The following BCAS3 variants were observed in gnomAD, a reference collection of about 807,000 sequenced individuals.
BCAS3 encodes BCAS4/BCAS3 fusion.
A neutral mutation model predicts 116.1 loss-of-function variants in BCAS3; 53 were observed. The observed-to-expected ratio is 0.46, with a 90% CI of 0.37 to 0.57. The LOEUF (loss-of-function observed/expected upper bound fraction) is 0.57. Among genes scored for constraint, BCAS3 ranks in the 20% least tolerant of loss-of-function variants. BCAS3 has a pLI of 0.00. For synonymous variants in BCAS3, 391 were observed against 408.2 expected (o/e 0.96, Z 0.51); for missense variants, 917 against 1,165.4 (o/e 0.79, Z 3.10).
In BCAS3 at chr17:61,324,631, C is replaced by T. The variant is rs1032059427; in HGVS notation, c.2426-43696C>T. Among the ~76,000 whole-genome samples, 5 of 152,134 alleles carry T rather than the reference C, an allele frequency of 3.3e-5. No homozygotes were observed. The highest frequency in any genetic ancestry group is 1.2e-4 in the African/African-American group (5 of 41,408). ...GGCCTGGGGTCAGCAGCCTGGCGTC[C>T]AGCCCTGCCAGCCACTAGCTGTTTG... On this transcript the variant is annotated intron_variant, in intron 22 of 23. Coordinates refer to ENST00000407086, the MANE Select transcript of BCAS3 (RefSeq NM_017679.5). The surrounding 1 kb of genome is among the most constrained non-coding windows in gnomAD (Gnocchi z 4.6).
chr17:60,681,305 G>A (rs1406740217), intron 2 of BCAS3, among the ~76,000 whole-genome samples: 1 of 151,814 alleles, frequency 6.6e-6, no homozygotes, highest in East Asian at 2.0e-4. Context: ...TTTGAGACCA[G>A]CCTGACCAAT....
intron 23 of BCAS3, among the ~76,000 whole-genome samples, chr17:61,382,137 G>T (rs1261291621): frequency 6.6e-6 from 1 of 151,984 alleles, no homozygotes; most frequent in Admixed American, 6.5e-5. Context: ...AGACCAGCCT[G>T]ACCAACATGG....
chr17:60,784,465 AT>A (rs532833306), intron 6 of BCAS3, among the ~76,000 whole-genome samples: 36 of 146,254 alleles, frequency 2.5e-4, no homozygotes, highest in Non-Finnish European at 2.9e-4. Context: ...TGCCCGGATA[AT>A]TTTTTTTTTT....
intron 4 of BCAS3, among the ~76,000 whole-genome samples, chr17:60,706,357 C>T (rs2037136375): frequency 6.6e-6 from 1 of 152,134 alleles, no homozygotes; most frequent in Admixed American, 6.6e-5. Flanking sequence ...AGCTACCGCA[C>T]CCAGCAGGAT....
intron 22 of BCAS3, among the ~76,000 whole-genome samples, chr17:61,147,667 G>A (rs1002486172): frequency 6.6e-6 from 1 of 152,162 alleles, no homozygotes; most frequent in African/African-American, 2.4e-5. Flanking sequence ...TCTCAATAAA[G>A]CTTTGGGGGA....
Position 61,181,539 on chromosome 17 carries a change from T to C in BCAS3, c.2425+96975T>C, listed in dbSNP as rs886150880. Among the ~76,000 whole-genome samples, 2 of 152,232 alleles carry C rather than the reference T, an allele frequency of 1.3e-5. No individual in the cohort carries two copies. The highest frequency in any genetic ancestry group is 4.8e-5 in the African/African-American group (2 of 41,464). The stretch of plus-strand genomic sequence containing the variant: ...GACTATTTTAATCATTTCCCTTTGA[T>C]AGTCTGGTCATTTCTTTTGTCTTTT... On this transcript the variant is annotated intron_variant, in intron 22 of 23. Transcript: ENST00000407086. This position sits in a 1 kb window ranked among gnomAD's most constrained non-coding sequence, Gnocchi z 5.0.
chr17:61,253,342 C>A (rs1028610502), intron 22 of BCAS3, among the ~76,000 whole-genome samples: 11 of 151,194 alleles, frequency 7.3e-5, no homozygotes, highest in African/African-American at 2.4e-4. Flanking sequence ...CACCTGAGGT[C>A]AGGAGTTGGA....
At chr17:61,054,103 T>A (rs559947249) in intron 19 of BCAS3, among the ~76,000 whole-genome samples, 210 of 152,356 alleles carry the variant, frequency 1.4e-3, no homozygotes, top group Non-Finnish European at 2.6e-3. Flanking sequence ...TTGTATTAGA[T>A]TTCCCTTTTT....
In BCAS3 at chr17:60,808,047, T is replaced by A. The variant is rs1035743198; in HGVS notation, c.447T>A (p.Leu149=). The A allele has an allele frequency of 1.9e-6, 3 of 1,608,952 alleles. No individual in the cohort carries two copies. In the African/African-American group the frequency reaches 4.0e-5, roughly 22 times the overall value. ...CDNFAEKRPL[L]GVCKSIGSSG... The stretch of plus-strand genomic sequence containing the variant: ...ACTTTGCTGAAAAAAGACCCCTCCT[T>A]GGTGTTTGTAAGAGCATTGGATCTT... The change falls in exon 7 of 24, where the codon CTT becomes CTA. Residue 149 remains leucine, a synonymous_variant. Transcript: ENST00000407086.
chr17:60,977,737 T>G (rs1398627441), intron 14 of BCAS3, among the ~76,000 whole-genome samples: 3 of 150,384 alleles, frequency 2.0e-5, no homozygotes, highest in Non-Finnish European at 2.9e-5. Context: ...CCACCTATGA[T>G]TGAGAATATG....
At chr17:60,740,464 A>T (rs934210838) in intron 5 of BCAS3, among the ~76,000 whole-genome samples, 1 of 143,208 alleles carries the variant, frequency 7.0e-6, no homozygotes, top group African/African-American at 2.7e-5. Context: ...ATGGTACTAC[A>T]CTCCAGCCTG....
chr17:61,209,080 A>G (rs1449273334), intron 22 of BCAS3, among the ~76,000 whole-genome samples: 1 of 151,776 alleles, frequency 6.6e-6, no homozygotes, highest in African/African-American at 2.4e-5. Context: ...GTAAACATCC[A>G]CTGTGTGGAA....
Position 61,208,194 on chromosome 17 carries a change from C to T in BCAS3, c.2425+123630C>T, listed in dbSNP as rs1407304662. On this transcript the variant is annotated intron_variant, in intron 22 of 23. Transcript: ENST00000407086. This position sits in a 1 kb window ranked among gnomAD's most constrained non-coding sequence, Gnocchi z 4.5. ...GAACTTTCCAGAGACTAGTAACTTC[C>T]TATTCCACTTTCCTGGGCTTGGTAT... Among the ~76,000 whole-genome samples, 1 of 152,120 alleles carries T rather than the reference C, an allele frequency of 6.6e-6. No homozygotes were observed. Among genetic ancestry groups the T allele is most frequent in the Non-Finnish European group, 1.5e-5 (1 of 68,016 alleles).
intron 22 of BCAS3, among the ~76,000 whole-genome samples, chr17:61,298,825 A>ATTTT (rs1568788631): frequency 8.4e-6 from 1 of 119,694 alleles, no homozygotes; most frequent in Admixed American, 9.1e-5. Context: ...TTTATTTATT[A>ATTTT]TTATTATTAT....
In BCAS3 at chr17:61,188,876, T is replaced by C; in HGVS notation, c.2425+104312T>C. Among the ~76,000 whole-genome samples, 1 of 152,130 alleles carries C rather than the reference T, an allele frequency of 6.6e-6. No homozygotes were observed. Among genetic ancestry groups the C allele is most frequent in the East Asian group, 1.9e-4 (1 of 5,196 alleles). On this transcript the variant is annotated intron_variant, in intron 22 of 23. Coordinates refer to ENST00000407086, the MANE Select transcript of BCAS3 (RefSeq NM_017679.5). This position sits in a 1 kb window ranked among gnomAD's most constrained non-coding sequence, Gnocchi z 4.0. ...CTATAATCCCAGCACGTTGGGAGGCTGAGGTGGGAGGAGCCTGGGAGGTTG... is the reference window on the plus strand; with the variant it reads ...CTATAATCCCAGCACGTTGGGAGGCCGAGGTGGGAGGAGCCTGGGAGGTTG...
intron 10 of BCAS3, among the ~76,000 whole-genome samples, chr17:60,896,605 A>T (rs1215133450): frequency 6.9e-6 from 1 of 144,602 alleles, no homozygotes; most frequent in African/African-American, 2.7e-5. Flanking sequence ...GCTGTTTTTG[A>T]CTTTAGAGTC....
Position 61,048,780 on chromosome 17 carries a change from T to C in BCAS3, c.2029+7888T>C, listed in dbSNP as rs552861681. Among the ~76,000 whole-genome samples, 14 of 152,026 alleles carry C rather than the reference T, an allele frequency of 9.2e-5. 1 individual carries two copies. The South Asian group carries it at 2.9e-3, about 32-fold the overall frequency. On this transcript the variant is annotated intron_variant, in intron 19 of 23. Coordinates refer to ENST00000407086, the MANE Select transcript of BCAS3 (RefSeq NM_017679.5). ...ACTGCAGAGGGTCCTTTTCCAGTAT[T>C]CAACAGAATACTGGTGCCTCTGAGG...
chr17:61,170,878 T>C (rs2078805625), intron 22 of BCAS3, among the ~76,000 whole-genome samples: 1 of 152,050 alleles, frequency 6.6e-6, no homozygotes, highest in Admixed American at 6.6e-5. Flanking sequence ...GAGGACATCC[T>C]GCAAGCCTTC....
rs2066014381 is a variant in BCAS3 at position 61,023,494 on chromosome 17, T to G, written c.1637+7593T>G. Reference sequence around the variant, plus strand: ...TTGAACAGAATTGTTACTAATACCTTTTAGCACTAGAGTCAGATTATAGAG... The same window carrying G: ...TTGAACAGAATTGTTACTAATACCTGTTAGCACTAGAGTCAGATTATAGAG... On this transcript the variant is annotated intron_variant, in intron 16 of 23. Coordinates refer to ENST00000407086, the MANE Select transcript of BCAS3 (RefSeq NM_017679.5). The surrounding 1 kb of genome is among the most constrained non-coding windows in gnomAD (Gnocchi z 4.8). Among the ~76,000 whole-genome samples, 2 of 152,194 alleles carry G rather than the reference T, an allele frequency of 1.3e-5. No homozygotes were observed. The highest frequency in any genetic ancestry group is 2.4e-5 in the African/African-American group (1 of 41,442).
Sources: gnomAD v4.1 joint callset for allele counts (sites outside exome capture counted in the v4.1 genomes callset) on GRCh38, gnomAD v4.1.1 for gene constraint, Gnocchi (gnomAD v3.1) non-coding constraint, MANE v1.5 for transcripts, NCBI Gene and HGNC (gene_info 2026-07-23, HGNC 2026-07-21) for gene names.